Variants in EGLN1 observed in about 807,000 individuals in gnomAD.
The protein encoded by EGLN1 is egl nine homolog 1.
EGLN1 carries 17 observed loss-of-function variants against 38.3 expected under a neutral mutation model. The observed-to-expected ratio is 0.44, with a 90% CI of 0.30 to 0.67. The LOEUF (loss-of-function observed/expected upper bound fraction) is 0.67. Among genes scored for constraint, EGLN1 ranks in the 30% least tolerant of loss-of-function variants. The pLI, the probability that EGLN1 is intolerant of heterozygous loss-of-function variation, is 0.08. For synonymous variants in EGLN1, 283 were observed against 257.5 expected, an observed-to-expected ratio of 1.10 and a Z score of -0.95; for missense variants, 477 against 603.3, an observed-to-expected ratio of 0.79 and a Z score of 2.19.
Position 231,366,108 on chromosome 1 carries a change from C to A in EGLN1, c.*303G>T. ...GAACTCAGCTAGATAACAGATCTGGCAAAATATAAGAATGAAAAAAATTCT... is the reference window on the plus strand; with the variant it reads ...GAACTCAGCTAGATAACAGATCTGGAAAAATATAAGAATGAAAAAAATTCT... On this transcript the variant is annotated 3_prime_UTR_variant, in exon 5 of 5. Coordinates refer to ENST00000366641, the MANE Select transcript of EGLN1 (RefSeq NM_022051.3). 1 of 394,054 alleles carries A rather than the reference C, an allele frequency of 2.5e-6. No individual in the cohort carries two copies. The allele number at this position is 394,054 out of a possible 1,614,324, so 24.4% of individuals were successfully genotyped here.
At chr1:231,385,657 A>T (rs1400155497) in intron 1 of EGLN1, among the ~76,000 whole-genome samples, 1 of 152,188 alleles carries the variant, frequency 6.6e-6, no homozygotes, top group Non-Finnish European at 1.5e-5. Flanking sequence ...AGTGGGTAAC[A>T]GGGAGCCACT....
chr1:231,372,680 A>G (rs1000309510), intron 2 of EGLN1, among the ~76,000 whole-genome samples: 2 of 152,226 alleles, frequency 1.3e-5, no homozygotes, highest in Non-Finnish European at 2.9e-5. Flanking sequence ...ACATGCCTCA[A>G]TATATACTCA....
chr1:231,421,754 C>T lies in EGLN1; in HGVS notation c.135G>A (p.Glu45=). 1 of 1,552,058 alleles carries T rather than the reference C, an allele frequency of 6.4e-7. No homozygotes were observed. Among genetic ancestry groups the T allele is most frequent in the Non-Finnish European group, 8.6e-7 (1 of 1,158,160 alleles). ...GCTTCTTCCAGTCCTGACGCTGGTG[C>T]TCCTTGCAGCAGTAGAAGGAGCTGC... The part of the protein sequence containing the change: ...RCRSSFYCCK[E]HQRQDWKKHK... The change falls in exon 1 of 5, where the codon GAG becomes GAA. Residue 45 remains glutamate (E), a synonymous_variant. Transcript: ENST00000366641. The surrounding 1 kb of genome is among the most constrained non-coding windows in gnomAD (Gnocchi z 5.5).
chr1:231,376,354 A>G (rs572542543), intron 1 of EGLN1, among the ~76,000 whole-genome samples: 2 of 152,328 alleles, frequency 1.3e-5, no homozygotes, highest in South Asian at 4.1e-4. Context: ...TTAGTCATTT[A>G]GTAGCCTTCT....
intron 1 of EGLN1, among the ~76,000 whole-genome samples, chr1:231,389,687 G>A (rs1572032343): frequency 1.3e-5 from 2 of 152,118 alleles, no homozygotes; most frequent in African/African-American, 4.8e-5. Flanking sequence ...GGTGGCTCAC[G>A]CCTGTAATCC....
At chr1:231,417,390 T>C (rs1018879626) in intron 1 of EGLN1, among the ~76,000 whole-genome samples, 1 of 152,212 alleles carries the variant, frequency 6.6e-6, no homozygotes, top group African/African-American at 2.4e-5. Context: ...TCTATTTTAA[T>C]GGGAAAATGT....
At chr1:231,418,631 A>C (rs1018287922) in intron 1 of EGLN1, among the ~76,000 whole-genome samples, 1 of 152,168 alleles carries the variant, frequency 6.6e-6, no homozygotes, top group African/African-American at 2.4e-5. Context: ...TGGGAGGACA[A>C]GGCAGGAGGA....
At position 231,421,463 on chromosome 1, in the gene EGLN1, G is replaced by A; in HGVS notation, c.426C>T (p.Ala142=). 6.8e-7 allele frequency: 1 copy of A among 1,463,264 alleles called. No homozygotes were observed. The allele number at this position is 1,463,264 out of a possible 1,614,324, so 90.6% of individuals were successfully genotyped here. A position where few individuals can be genotyped will look rare whatever the true frequency, so the allele number is the denominator to read the frequency against. The part of the protein sequence containing the change: ...GGQGSAVAAE[A]EPGKEEPPAR... ...CCGGCGGCTCCTCCTTGCCGGGCTCGGCTTCGGCAGCCACCGCCGAGCCCT... is the reference window on the plus strand; with the variant it reads ...CCGGCGGCTCCTCCTTGCCGGGCTCAGCTTCGGCAGCCACCGCCGAGCCCT... Residue 142 remains alanine (A), a synonymous_variant, in exon 1 of 5, where the codon GCC becomes GCT. Transcript: ENST00000366641. The surrounding 1 kb of genome is among the most constrained non-coding windows in gnomAD (Gnocchi z 5.5).
At chr1:231,408,829 C>A (rs1029856401) in intron 1 of EGLN1, among the ~76,000 whole-genome samples, 1 of 151,982 alleles carries the variant, frequency 6.6e-6, no homozygotes, top group Non-Finnish European at 1.5e-5. Context: ...GGGCAAGAAG[C>A]AAGTTAGAGG....
chr1:231,412,148 G>A (rs1191862922), intron 1 of EGLN1, among the ~76,000 whole-genome samples: 2 of 148,796 alleles, frequency 1.3e-5, no homozygotes, highest in Non-Finnish European at 3.0e-5. Flanking sequence ...TCAAAGGGAT[G>A]AAAGGCTCAT....
intron 1 of EGLN1, among the ~76,000 whole-genome samples, chr1:231,393,098 G>C (rs1422763017): frequency 6.6e-6 from 1 of 152,226 alleles, no homozygotes; most frequent in East Asian, 1.9e-4. Context: ...ATGTAATGCT[G>C]AAACTATTAG....
chr1:231,409,796 T>C (rs892972285), intron 1 of EGLN1, among the ~76,000 whole-genome samples: 2 of 152,242 alleles, frequency 1.3e-5, no homozygotes, highest in Admixed American at 1.3e-4. Context: ...TATTTCTTTA[T>C]TTTCTCACCT....
chr1:231,374,914 A>G (rs554098787), intron 1 of EGLN1, among the ~76,000 whole-genome samples: 1 of 152,336 alleles, frequency 6.6e-6, no homozygotes, highest in East Asian at 1.9e-4. Context: ...TAAAGGTAGA[A>G]AAGAGGCCCA....
chr1:231,406,017 C>T (rs1480327990), intron 1 of EGLN1, among the ~76,000 whole-genome samples: 2 of 97,390 alleles, frequency 2.1e-5, no homozygotes, highest in African/African-American at 8.4e-5. Context: ...CGGAGCACTA[C>T]TATTACTAAG....
intron 1 of EGLN1, among the ~76,000 whole-genome samples, chr1:231,388,275 A>AAATT (rs71297711): frequency 0.54 from 82,412 of 151,508 alleles, 23,990 homozygotes; most frequent in Non-Finnish European, 0.65. Context: ...AACTGTAAGA[A>AAATT]AATTAAGAGG....
At chr1:231,373,786 T>C (rs750107134) in intron 2 of EGLN1, among the ~76,000 whole-genome samples, 194 bp downstream of exon 2, 1 of 152,166 alleles carries the variant, frequency 6.6e-6, no homozygotes, top group Non-Finnish European at 1.5e-5. Context: ...TAACTACAGG[T>C]ATCATGTTGT....
chr1:231,374,873 T>C (rs1229990342), intron 1 of EGLN1, among the ~76,000 whole-genome samples: 2 of 152,130 alleles, frequency 1.3e-5, no homozygotes, highest in East Asian at 3.8e-4. Flanking sequence ...TATAACAAGA[T>C]ATGGTTCAGA....
At chr1:231,387,231 A>ATG (rs1394125472) in intron 1 of EGLN1, among the ~76,000 whole-genome samples, 4 of 109,630 alleles carry the variant, frequency 3.6e-5, no homozygotes, top group Non-Finnish European at 8.6e-5. Context: ...CATGCTATAT[A>ATG]TGTATACACA....
chr1:231,370,411 C>G, intron 3 of EGLN1, 151 bp downstream of exon 3: 1 of 832,836 alleles, frequency 1.2e-6, no homozygotes. Context: ...GATGACTGTG[C>G]AACATAAATC....
Sources: gnomAD v4.1 joint callset for allele counts (sites outside exome capture counted in the v4.1 genomes callset) on GRCh38, gnomAD v4.1.1 for gene constraint, Gnocchi (gnomAD v3.1) non-coding constraint, MANE v1.5 for transcripts, NCBI Gene and HGNC (gene_info 2026-07-23, HGNC 2026-07-21) for gene names.